The following MCM9 variants were observed in gnomAD, a reference collection of about 807,000 sequenced individuals.
MCM9 encodes DNA helicase MCM9.
MCM9 carries 55 observed loss-of-function variants against 72.8 expected under a neutral mutation model. The observed-to-expected ratio is 0.76, with a 90% confidence interval of 0.61 to 0.95. The LOEUF is 0.95. MCM9 is among the 40% of genes least tolerant of loss of function. The probability of loss-of-function intolerance (pLI) is 0.00; values close to 1 mark genes in which losing one functional copy is unlikely to be tolerated. For missense variants in MCM9, 1,279 were observed against 1,377.0 expected, an observed-to-expected ratio of 0.93 and a Z score of 1.13; for synonymous variants, 480 against 503.4, an observed-to-expected ratio of 0.95 and a Z score of 0.62.
At chr6:118,932,240 T>C (rs923188383) in intron 2 of MCM9, among the ~76,000 whole-genome samples, 1 of 152,254 alleles carries the variant, frequency 6.6e-6, no homozygotes, top group Non-Finnish European at 1.5e-5. Flanking sequence ...CTATGCCATA[T>C]AGCCTAGGTG....
At chr6:118,914,507 G>A (rs1780786820) in intron 6 of MCM9, among the ~76,000 whole-genome samples, 1 of 152,114 alleles carries the variant, frequency 6.6e-6, no homozygotes, top group African/African-American at 2.4e-5. Context: ...GGTGAAGAAA[G>A]AAAATCTTTT....
chr6:118,826,114 C>T (rs952091153), intron 13 of MCM9, 33 bp downstream of exon 13: 6 of 1,528,490 alleles, frequency 3.9e-6, no homozygotes, highest in Middle Eastern at 3.4e-4. Flanking sequence ...AAGGATTTTC[C>T]ATTGTATGCC....
intron 9 of MCM9, among the ~76,000 whole-genome samples, chr6:118,846,943 C>T (rs919049300): frequency 6.6e-6 from 1 of 151,778 alleles, no homozygotes; most frequent in Non-Finnish European, 1.5e-5. Context: ...CATCTCCCTA[C>T]CCTGCCCCAA....
At chr6:118,889,344 G>A (rs770198380) in intron 8 of MCM9, among the ~76,000 whole-genome samples, 1 of 152,162 alleles carries the variant, frequency 6.6e-6, no homozygotes, top group Non-Finnish European at 1.5e-5. Context: ...TCTGCCAAGC[G>A]TCACTCCATC....
intron 9 of MCM9, among the ~76,000 whole-genome samples, chr6:118,854,583 C>A (rs1459178675): frequency 1.3e-5 from 2 of 152,200 alleles, no homozygotes; most frequent in African/African-American, 4.8e-5. Flanking sequence ...CAATCCCCGA[C>A]CTCAGGTGAT....
intron 9 of MCM9, among the ~76,000 whole-genome samples, chr6:118,838,890 T>G (rs1775160319): frequency 6.6e-6 from 1 of 152,194 alleles, no homozygotes; most frequent in Non-Finnish European, 1.5e-5. Context: ...CCTTGGTGAA[T>G]CTGACAATTA....
intron 8 of MCM9, among the ~76,000 whole-genome samples, chr6:118,889,796 C>G (rs1778829443): frequency 6.6e-6 from 1 of 152,096 alleles, no homozygotes; most frequent in Admixed American, 6.5e-5. Flanking sequence ...CTGATGTAAC[C>G]TATGGCTATG....
chr6:118,913,499 G>T lies in MCM9; in HGVS notation c.905-79C>A. Reference sequence around the variant, plus strand: ...TGAAATTTCCCTTCCTTTCCTATCTGACCATCCTCATTTAAATATACTCTA... The same window carrying T: ...TGAAATTTCCCTTCCTTTCCTATCTTACCATCCTCATTTAAATATACTCTA... On this transcript the variant is annotated intron_variant, in intron 6 of 13. Coordinates refer to ENST00000619706, the MANE Select transcript of MCM9 (RefSeq NM_017696.3). 1.9e-6 allele frequency: 3 copies of T among 1,559,626 alleles called. No homozygotes were observed. In the South Asian group the frequency reaches 3.5e-5, roughly 18 times the overall value.
chr6:118,883,606 A>G (rs1778429879), intron 8 of MCM9, among the ~76,000 whole-genome samples: 1 of 152,162 alleles, frequency 6.6e-6, no homozygotes, highest in South Asian at 2.1e-4. Flanking sequence ...CTCTTCATTT[A>G]AAAGGGAGCC....
Position 118,911,668 on chromosome 6 carries a change from T to C in MCM9, c.1132A>G (p.Ile378Val), listed in dbSNP as rs781326384. The change falls in exon 8 of 14, where the codon ATT becomes GTT. Residue 378 changes from isoleucine (I) to valine (V), a missense_variant. By Grantham distance (29) the Ile-to-Val change is conservative. Transcript: ENST00000619706. Reference protein sequence around the residue: ...ITPRSVLTTGIGSTSAGLTVT... With the variant: ...ITPRSVLTTGVGSTSAGLTVT... ...ACAATACCTGCACTAGTAGATCCAA[T>C]TCCTGTGGTCAGCACAGATCTTGGT... is the stretch of plus-strand genomic sequence containing the variant. The C allele has an allele frequency of 6.2e-6, 10 of 1,612,066 alleles. No individual in the cohort carries two copies. Among genetic ancestry groups the C allele is most frequent in the Non-Finnish European group, 7.6e-6 (9 of 1,178,988 alleles).
intron 8 of MCM9, among the ~76,000 whole-genome samples, chr6:118,856,796 G>A (rs974332954): frequency 4.6e-5 from 7 of 152,022 alleles, no homozygotes; most frequent in South Asian, 4.2e-4. Context: ...CGGGAGGATC[G>A]CTTGAGCCCA....
At chr6:118,932,179 G>A (rs1157873674) in intron 2 of MCM9, among the ~76,000 whole-genome samples, 1 of 152,138 alleles carries the variant, frequency 6.6e-6, no homozygotes, top group African/African-American at 2.4e-5. Context: ...ACTGCGAACA[G>A]TATTCAGTAC....
rs182397736 is a variant in MCM9, at chr6:118,923,860, G to A, written c.572C>T (p.Ser191Leu). Residue 191 changes from serine (S) to leucine (L), a missense_variant, in exon 4 of 14, where the codon TCG becomes TTG. Physicochemically the swap from Ser to Leu is moderately radical, Grantham distance 145. Coordinates refer to ENST00000619706, the MANE Select transcript of MCM9 (RefSeq NM_017696.3). The part of the protein sequence containing the change: ...SKFTCLSGLS[S>L]SPTRCRDYQE... ...GTAATCTCTACACCTGGTTGGAGAC[G>A]AAGACAAGCCTGAGAGGCAAGTGAA... The A allele has an allele frequency of 1.3e-4, 216 of 1,614,138 alleles. 1 individual carries two copies. In the Admixed American group the frequency reaches 3.5e-3, roughly 26 times the overall value.
chr6:118,921,367 G>T (rs569743508), intron 5 of MCM9: 1 of 152,258 alleles, frequency 6.6e-6, no homozygotes, highest in Admixed American at 6.5e-5. Context: ...TCTAACTATT[G>T]AAAGTTGGCT....
At chr6:118,933,472 C>T (rs998940310) in intron 1 of MCM9, among the ~76,000 whole-genome samples, 12 of 149,832 alleles carry the variant, frequency 8.0e-5, no homozygotes, top group African/African-American at 2.7e-4. Context: ...CGCCACTGCA[C>T]TCCAGCCCGG....
chr6:118,861,510 G>A (rs754279582), intron 8 of MCM9, among the ~76,000 whole-genome samples: 1 of 152,208 alleles, frequency 6.6e-6, no homozygotes, highest in Non-Finnish European at 1.5e-5. Context: ...GGTGAGCAAG[G>A]TGGAGAGGAG....
chr6:118,895,033 C>A (rs1024621527), intron 8 of MCM9, among the ~76,000 whole-genome samples: 7 of 152,182 alleles, frequency 4.6e-5, no homozygotes, highest in Non-Finnish European at 1.0e-4. Flanking sequence ...CTGCCCCCGG[C>A]GAAAGGCAGG....
At chr6:118,819,649 G>A (rs1244222498) in intron 13 of MCM9, among the ~76,000 whole-genome samples, 1 of 152,040 alleles carries the variant, frequency 6.6e-6, no homozygotes, top group Non-Finnish European at 1.5e-5. Flanking sequence ...TGACTTAGTG[G>A]GGAGTCCCTC....
At chr6:118,821,236 T>C (rs1321806826) in intron 13 of MCM9, among the ~76,000 whole-genome samples, 1 of 152,192 alleles carries the variant, frequency 6.6e-6, no homozygotes, top group Non-Finnish European at 1.5e-5. Flanking sequence ...CTTTACAATT[T>C]GGTATGTTTT....
Sources: gnomAD v4.1 joint callset for allele counts (sites outside exome capture counted in the v4.1 genomes callset) on GRCh38, gnomAD v4.1.1 for gene constraint, MANE v1.5 for transcripts, NCBI Gene and HGNC (gene_info 2026-07-23, HGNC 2026-07-21) for gene names.